The following GNG8 variants were observed in gnomAD, a reference collection of about 807,000 sequenced individuals.
GNG8 encodes the protein G protein subunit gamma 8, also known as guanine nucleotide-binding protein G(I)/G(S)/G(O) subunit gamma-8.
GNG8 carries 3 observed loss-of-function variants against 4.6 expected under a neutral mutation model. The observed-to-expected ratio is 0.65, with a 90% CI of 0.29 to 1.67. The LOEUF (loss-of-function observed/expected upper bound fraction) is 1.67, where lower values mean the gene tolerates loss of function less well. Ranked by LOEUF, GNG8 falls within the 40% of genes most tolerant of loss-of-function variation. The pLI, the probability that GNG8 is intolerant of heterozygous loss-of-function variation, is 0.10. For synonymous variants in GNG8, 32 were observed against 40.5 expected (o/e 0.79, Z 0.80); for missense variants, 88 against 95.2 (o/e 0.92, Z 0.32).
upstream of GNG8, chr19:46,639,095 C>T (rs2052886027): frequency 6.5e-6 from 1 of 153,158 alleles, no homozygotes; most frequent in South Asian, 2.1e-4. The surrounding 1 kb of genome is among the most constrained non-coding windows in gnomAD (Gnocchi z 5.2). Context: ...AGCCGAAACT[C>T]AGAGACAGGG....
At chr19:46,634,561 C>T in intron 2 of GNG8, 38 bp downstream of exon 2, 1 of 1,572,596 alleles carries the variant, frequency 6.4e-7, no homozygotes, top group African/African-American at 1.4e-5. Context: ...GACCGCAGGC[C>T]CAGAACCCCC....
intron 1 of GNG8, among the ~76,000 whole-genome samples, chr19:46,635,081 G>T (rs948984120): frequency 1.3e-5 from 2 of 152,248 alleles, no homozygotes; most frequent in Middle Eastern, 6.8e-3. Context: ...AATTAGCAGT[G>T]GCTCCAGGGA....
intron 2 of GNG8, 105 bp downstream of exon 2, chr19:46,634,494 G>T: frequency 2.9e-6 from 3 of 1,046,210 alleles, no homozygotes; most frequent in Non-Finnish European, 4.2e-6. Context: ...GCCCAGCCCT[G>T]TTCCCAGGGG....
At position 46,634,098 on chromosome 19, in the gene GNG8, C is replaced by T. The variant is rs1209948736; in HGVS notation, c.191G>A (p.Arg64His). Residue 64 changes from arginine (R) to histidine (H), a missense_variant, in exon 3 of 3, where the codon CGC becomes CAC. By Grantham distance (29) the Arg-to-His change is conservative. Transcript: ENST00000693335. ...GGCTCAGAGCAGAACACAAAAGAGG[C>T]GCTTGTCGCGGAAGGGGTTCTCCGC... ...PAAENPFRDK[R>H]LFCVLL 3 of 1,613,630 alleles carry T rather than the reference C, an allele frequency of 1.9e-6. No individual in the cohort carries two copies. The highest frequency in any genetic ancestry group is 3.3e-5 in the Admixed American group (2 of 59,932).
upstream of GNG8, among the ~76,000 whole-genome samples, chr19:46,636,604 G>T (rs1465039310): frequency 6.6e-6 from 1 of 151,956 alleles, no homozygotes; most frequent in Non-Finnish European, 1.5e-5. Context: ...CCTGTCACAC[G>T]GTAGCACCAC....
upstream of GNG8, chr19:46,639,283 G>A (rs1387040445): frequency 6.6e-6 from 1 of 152,560 alleles, no homozygotes; most frequent in African/African-American, 2.4e-5. The surrounding 1 kb of genome is among the most constrained non-coding windows in gnomAD (Gnocchi z 5.2). Flanking sequence ...GTACCTGGGG[G>A]CGTGTCCCGA....
At chr19:46,635,112 G>A (rs2052856857) in intron 1 of GNG8, among the ~76,000 whole-genome samples, 1 of 152,062 alleles carries the variant, frequency 6.6e-6, no homozygotes, top group Non-Finnish European at 1.5e-5. Context: ...TTAAGATCGC[G>A]GCGGGAGGGG....
chr19:46,633,966 G>T lies in GNG8; in HGVS notation c.*110C>A. 3 of 1,281,884 alleles carry T rather than the reference G, an allele frequency of 2.3e-6. No homozygotes were observed. Among genetic ancestry groups the T allele is most frequent in the African/African-American group, 1.5e-5 (1 of 67,324 alleles). The allele number at this position is 1,281,884 out of a possible 1,614,324, so 79.4% of individuals were successfully genotyped here. ...AACGGACACAGCTTCCCCTACGGTG[G>T]CCCCAAGCTCTGTGCGTGCCTCAGT... On this transcript the variant is annotated 3_prime_UTR_variant, in exon 3 of 3. Coordinates refer to ENST00000693335, the MANE Select transcript of GNG8 (RefSeq NM_033258.2).
upstream of GNG8, among the ~76,000 whole-genome samples, chr19:46,636,402 C>T (rs1360934093): frequency 1.3e-5 from 2 of 152,176 alleles, no homozygotes; most frequent in East Asian, 1.9e-4. Context: ...CTCTGTGCCT[C>T]TCTCACACTC....
Position 46,634,089 on chromosome 19 carries a change from C to T in GNG8, c.200G>A (p.Cys67Tyr), listed in dbSNP as rs1485867262. The T allele has an allele frequency of 1.9e-6, 3 of 1,613,722 alleles. No individual in the cohort carries two copies. The highest frequency in any genetic ancestry group is 4.5e-5 in the East Asian group (2 of 44,878). ...ENPFRDKRLF[C>Y]VLL Reference sequence around the variant, plus strand: ...TGTCCGGAGGGCTCAGAGCAGAACACAAAAGAGGCGCTTGTCGCGGAAGGG... The same window carrying T: ...TGTCCGGAGGGCTCAGAGCAGAACATAAAAGAGGCGCTTGTCGCGGAAGGG... Residue 67 changes from cysteine (C) to tyrosine (Y), a missense_variant, in exon 3 of 3, where the codon TGT becomes TAT. Physicochemically the swap from Cys to Tyr is radical, Grantham distance 194. Transcript: ENST00000693335.
At chr19:46,634,796 C>T in intron 1 of GNG8, 71 bp from the exon 2 acceptor site, 6 of 777,104 alleles carry the variant, frequency 7.7e-6, no homozygotes, top group South Asian at 1.6e-5. Flanking sequence ...GTAACAGGTG[C>T]GAGGGTGGAA....
intron 1 of GNG8, 47 bp from the exon 2 acceptor site, chr19:46,634,772 G>C: frequency 9.7e-7 from 1 of 1,035,208 alleles, no homozygotes; most frequent in Non-Finnish European, 1.5e-6. Context: ...GTGGGGGCGA[G>C]AGGGCGGGCC....
Position 46,634,666 on chromosome 19 carries a change from G to A in GNG8, c.17C>T (p.Ala6Val), listed in dbSNP as rs757572048. Residue 6 changes from alanine to valine, a missense_variant, in exon 2 of 3, where the codon GCC becomes GTC. By Grantham distance (64) the Ala-to-Val change is moderately conservative (BLOSUM62 0). Coordinates refer to ENST00000693335, the MANE Select transcript of GNG8 (RefSeq NM_033258.2). ...CGTCTTGCGGGCCTCGGCAATCTTG[G>A]CCATGTTGTTGGACATGGTTGCGGC... MSNNM[A>V]KIAEARKTVE... is the part of the protein sequence containing the mutation. 2 of 1,613,074 alleles carry A rather than the reference G, an allele frequency of 1.2e-6. No homozygotes were observed. The highest frequency in any genetic ancestry group is 1.7e-5 in the Admixed American group (1 of 59,962).
intron 1 of GNG8, among the ~76,000 whole-genome samples, chr19:46,635,289 A>C (rs1366847400): frequency 6.6e-6 from 1 of 151,450 alleles, no homozygotes; most frequent in Non-Finnish European, 1.5e-5. Flanking sequence ...GGCCTATCGG[A>C]TGGACAGAGG....
chr19:46,634,292 T>A, intron 2 of GNG8, 88 bp from the exon 3 acceptor site: 1 of 1,431,704 alleles, frequency 7.0e-7, no homozygotes, highest in Non-Finnish European at 9.3e-7. Context: ...TGTCCCCTCC[T>A]CCCACCTTGC....
At position 46,634,169 on chromosome 19, in the gene GNG8, G is replaced by C. The variant is rs769289600; in HGVS notation, c.120C>G (p.Cys40Trp). The change falls in exon 3 of 3, where the codon TGC becomes TGG. Residue 40 changes from cysteine (C) to tryptophan (W), a missense_variant. Coordinates refer to ENST00000693335, the MANE Select transcript of GNG8 (RefSeq NM_033258.2). ...GCGGGTCATCTTTGGCATGCGTCTC[G>C]CAGAAAGCCAGGAGTTCCGCTGCTG... ...SQAAAELLAF[C>W]ETHAKDDPLV... 6.2e-7 allele frequency: 1 copy of C among 1,613,284 alleles called. No homozygotes were observed. The highest frequency in any genetic ancestry group is 8.5e-7 in the Non-Finnish European group (1 of 1,179,832).
At chr19:46,634,542 C>G (rs563013268) in intron 2 of GNG8, 57 bp downstream of exon 2, 2 of 1,484,764 alleles carry the variant, frequency 1.3e-6, no homozygotes, top group African/African-American at 2.8e-5. Flanking sequence ...GCCGACACAG[C>G]CCCGGACAGA....
In GNG8 at chr19:46,634,668, C is replaced by T. The variant is rs2052852905; in HGVS notation, c.15G>A (p.Met5Ile). 1 of 1,612,906 alleles carries T rather than the reference C, an allele frequency of 6.2e-7. No individual in the cohort carries two copies. Among genetic ancestry groups the T allele is most frequent in the Admixed American group, 1.7e-5 (1 of 59,928 alleles). ...TCTTGCGGGCCTCGGCAATCTTGGCCATGTTGTTGGACATGGTTGCGGCGG... is the reference window on the plus strand; with the variant it reads ...TCTTGCGGGCCTCGGCAATCTTGGCTATGTTGTTGGACATGGTTGCGGCGG... MSNNMAKIAEARKTV... is the reference protein window; with the variant it reads MSNNIAKIAEARKTV... The change falls in exon 2 of 3, where the codon ATG becomes ATA. Residue 5 changes from methionine (M) to isoleucine (I), a missense_variant. Transcript: ENST00000693335.
intron 1 of GNG8, among the ~76,000 whole-genome samples, chr19:46,635,556 G>GA (rs1452140663): frequency 5.9e-4 from 4 of 6,744 alleles, no homozygotes; most frequent in Admixed American, 3.4e-3. Flanking sequence ...GGAGAGGATG[G>GA]GGAGATGGAG....
Sources: gnomAD v4.1 joint callset for allele counts (sites outside exome capture counted in the v4.1 genomes callset) on GRCh38, gnomAD v4.1.1 for gene constraint, Gnocchi (gnomAD v3.1) non-coding constraint, MANE v1.5 for transcripts, NCBI Gene and HGNC (gene_info 2026-07-23, HGNC 2026-07-21) for gene names.